RB1CC1: variants seen among roughly 807,000 people sequenced by gnomAD.
RB1CC1 encodes RB1-inducible coiled-coil protein 1.
A neutral mutation model predicts 177.5 loss-of-function variants in RB1CC1; 46 were observed. The ratio of observed to expected loss-of-function variants is 0.26; its 90% CI spans 0.20 to 0.33. RB1CC1 has a LOEUF of 0.33. Among genes scored for constraint, RB1CC1 ranks in the 10% least tolerant of loss-of-function variants. The pLI is 1.00. For synonymous variants in RB1CC1, 666 were observed against 613.6 expected (o/e 1.09, Z -1.26); for missense variants, 1,703 against 1,816.3 (o/e 0.94, Z 1.13).
chr8:52,643,696 CAAAA>C (rs34520917), intron 16 of RB1CC1, among the ~76,000 whole-genome samples: 7 of 81,044 alleles, frequency 8.6e-5, no homozygotes, highest in Admixed American at 1.5e-4. Context: ...CTCTAAGAGG[CAAAA>C]AAAAAAAAAA....
chr8:52,685,043 G>A (rs56663043), intron 3 of RB1CC1, among the ~76,000 whole-genome samples: 3,422 of 143,532 alleles, frequency 0.024, 150 homozygotes, highest in African/African-American at 0.083. Context: ...CTGCTCAGTC[G>A]CTGGGCTGGA....
intron 1 of RB1CC1, among the ~76,000 whole-genome samples, chr8:52,707,301 A>T (rs1181216351): frequency 6.6e-6 from 1 of 152,074 alleles, no homozygotes; most frequent in Non-Finnish European, 1.5e-5. Context: ...TGTTACCTCA[A>T]ACTCAACATG....
chr8:52,665,180 A>G (rs1168344223), intron 8 of RB1CC1, among the ~76,000 whole-genome samples: 1 of 152,236 alleles, frequency 6.6e-6, no homozygotes, highest in African/African-American at 2.4e-5. Flanking sequence ...TTCGATCCAG[A>G]TAAATTATCA....
At chr8:52,639,450 G>A (rs1315576312) in intron 18 of RB1CC1, among the ~76,000 whole-genome samples, 1 of 152,122 alleles carries the variant, frequency 6.6e-6, no homozygotes, top group African/African-American at 2.4e-5. Context: ...AAAGGATACT[G>A]TCTGAAAATG....
At chr8:52,703,627 T>C (rs1383228092) in intron 1 of RB1CC1, among the ~76,000 whole-genome samples, 5 of 152,206 alleles carry the variant, frequency 3.3e-5, no homozygotes, top group Non-Finnish European at 7.4e-5. Flanking sequence ...AGTGGTCTTG[T>C]TCCTGAAGTA....
intron 3 of RB1CC1, among the ~76,000 whole-genome samples, chr8:52,684,536 G>A (rs1018448988): frequency 6.6e-6 from 1 of 152,052 alleles, no homozygotes; most frequent in Non-Finnish European, 1.5e-5. Context: ...TATAAACAGC[G>A]TTGGAAATGA....
chr8:52,650,399 G>A (rs1418967068), intron 15 of RB1CC1, among the ~76,000 whole-genome samples: 1 of 152,156 alleles, frequency 6.6e-6, no homozygotes, highest in Non-Finnish European at 1.5e-5. Flanking sequence ...CCACCTGTTT[G>A]GGGGTCTTGG....
intron 18 of RB1CC1, among the ~76,000 whole-genome samples, chr8:52,638,815 T>C (rs999035651): frequency 1.8e-4 from 28 of 152,252 alleles, no homozygotes; most frequent in African/African-American, 6.3e-4. Flanking sequence ...ATGCCTCTAA[T>C]GTCCCATTCT....
chr8:52,642,956 A>G, intron 16 of RB1CC1, 144 bp from the exon 17 acceptor site: 1 of 942,282 alleles, frequency 1.1e-6, no homozygotes, highest in Non-Finnish European at 1.4e-6. Flanking sequence ...TTTAAAAATG[A>G]AAATGTAACA....
intron 7 of RB1CC1, among the ~76,000 whole-genome samples, chr8:52,671,568 G>A (rs1191837393): frequency 6.6e-6 from 1 of 152,126 alleles, no homozygotes; most frequent in African/African-American, 2.4e-5. Context: ...GAAAAATACT[G>A]ATCTAATAAA....
intron 15 of RB1CC1, 137 bp from the exon 16 acceptor site, chr8:52,646,004 G>C: frequency 4.9e-6 from 4 of 823,998 alleles, no homozygotes; most frequent in Non-Finnish European, 7.4e-6. Flanking sequence ...CCCTCTCTTT[G>C]AATCTAAAAA....
intron 8 of RB1CC1, among the ~76,000 whole-genome samples, chr8:52,662,204 T>TG: frequency 6.6e-6 from 1 of 152,234 alleles, no homozygotes; most frequent in South Asian, 2.1e-4. Context: ...ATCTCTGGAC[T>TG]ATATTTTGTT....
chr8:52,699,494 G>GT (rs978792003), intron 1 of RB1CC1, among the ~76,000 whole-genome samples: 1 of 151,744 alleles, frequency 6.6e-6, no homozygotes, highest in African/African-American at 2.4e-5. Flanking sequence ...ATCTTTCTGT[G>GT]TTTTTGATTT....
chr8:52,698,276 T>C (rs1320441197), intron 1 of RB1CC1, among the ~76,000 whole-genome samples: 1 of 151,962 alleles, frequency 6.6e-6, no homozygotes, highest in Non-Finnish European at 1.5e-5. Context: ...ACGGCGTTTC[T>C]CCATGTTGCC....
chr8:52,683,233 C>T (rs1035243928), intron 5 of RB1CC1, among the ~76,000 whole-genome samples: 1 of 152,096 alleles, frequency 6.6e-6, no homozygotes, highest in East Asian at 1.9e-4. Context: ...TTTAAGTTCT[C>T]TTTGTTAACA....
At chr8:52,672,288 T>A (rs1242680970) in intron 7 of RB1CC1, among the ~76,000 whole-genome samples, 1 of 152,178 alleles carries the variant, frequency 6.6e-6, no homozygotes, top group Admixed American at 6.5e-5. Flanking sequence ...GGCTGACTTT[T>A]CATTAAGTCA....
intron 1 of RB1CC1, among the ~76,000 whole-genome samples, chr8:52,699,647 GA>G (rs373480962): frequency 0.023 from 2,858 of 123,636 alleles, 47 homozygotes; most frequent in Non-Finnish European, 0.034. Flanking sequence ...TGTCTCTAGT[GA>G]AAAAAAAAAA....
At chr8:52,676,668 G>T in intron 5 of RB1CC1, 97 bp from the exon 6 acceptor site, 1 of 1,045,866 alleles carries the variant, frequency 9.6e-7, no homozygotes. Context: ...TGGATGCGTT[G>T]TAGAGCACAT....
At chr8:52,700,191 T>C (rs1051052675) in intron 1 of RB1CC1, among the ~76,000 whole-genome samples, 11 of 152,140 alleles carry the variant, frequency 7.2e-5, no homozygotes, top group Admixed American at 2.6e-4. Context: ...AGGCAGTCTT[T>C]CACGGTGGTA....
Sources: gnomAD v4.1 joint callset for allele counts (sites outside exome capture counted in the v4.1 genomes callset) on GRCh38, gnomAD v4.1.1 for gene constraint, MANE v1.5 for transcripts, NCBI Gene and HGNC (gene_info 2026-07-23, HGNC 2026-07-21) for gene names.